Variants in ORC3 observed in about 807,000 individuals in gnomAD.
ORC3 encodes the protein origin recognition complex subunit 3.
ORC3 carries 78 observed loss-of-function variants against 100.7 expected under a neutral mutation model. That is an observed-to-expected ratio of 0.77 (90% CI 0.65 to 0.94). The LOEUF is 0.94. ORC3 is among the 40% of genes least tolerant of loss of function. The pLI is 0.00. For synonymous variants in ORC3, 295 were observed against 289.3 expected, an observed-to-expected ratio of 1.02 and a Z score of -0.20; for missense variants, 789 against 823.9, an observed-to-expected ratio of 0.96 and a Z score of 0.52.
rs1031088208 is a variant in ORC3, at chr6:87,621,612, G to A, written c.1121+125G>A. 8.7e-6 allele frequency: 6 copies of A among 689,612 alleles called. No individual in the cohort carries two copies. In the Admixed American group the frequency reaches 2.7e-4, roughly 31 times the overall value. 42.7% of individuals were successfully genotyped at this position (689,612 alleles called of 1,614,324 possible). ...TAACCTATTCTGTTTTTAATTGTGG[G>A]ATTTCCCTTGTTGGATTTGAAAATT... On this transcript the variant is annotated intron_variant, in intron 10 of 19. Transcript: ENST00000392844.
At chr6:87,611,057 T>A (rs978473524) in intron 7 of ORC3, among the ~76,000 whole-genome samples, 2 of 150,656 alleles carry the variant, frequency 1.3e-5, no homozygotes, top group South Asian at 4.2e-4. Flanking sequence ...CCTTCTCAGG[T>A]CCCCAAGTAG....
chr6:87,599,354 A>ATTATTTAT (rs71021304), intron 2 of ORC3, among the ~76,000 whole-genome samples: 13,088 of 145,080 alleles, frequency 0.09, 849 homozygotes, highest in African/African-American at 0.18. Flanking sequence ...TCTTTTTTTT[A>ATTATTTAT]TTATTTATTT....
At chr6:87,676,596 A>AACACACGCGCGCGCACACAC in the ORC3 span, among the ~76,000 whole-genome samples, 75 of 142,146 alleles carry the variant, frequency 5.3e-4, 1 homozygote, top group African/African-American at 2.0e-3. Context: ...CTCTACTAAA[A>AACACACGCGCGCGCACACAC]ACACACACAC....
At chr6:87,674,296 C>CT in the ORC3 span, among the ~76,000 whole-genome samples, 43 of 94,834 alleles carry the variant, frequency 4.5e-4, no homozygotes, top group Admixed American at 7.6e-4. Context: ...GAGCAAAACT[C>CT]TATCTCAAAA....
intron 13 of ORC3, among the ~76,000 whole-genome samples, chr6:87,644,017 T>G (rs1391424505): frequency 4.6e-5 from 7 of 151,440 alleles, no homozygotes; most frequent in Admixed American, 4.6e-4. Context: ...CCAAAATATT[T>G]TCAATCCAAG....
At chr6:87,631,881 CG>C (rs1468472459) in intron 11 of ORC3, among the ~76,000 whole-genome samples, 5 of 151,902 alleles carry the variant, frequency 3.3e-5, no homozygotes, top group Non-Finnish European at 5.9e-5. Flanking sequence ...GTTTTAAGGC[CG>C]GGTGCAGTAT....
At chr6:87,602,982 T>TATATATATATATATATAC (rs1457671076) in intron 3 of ORC3, among the ~76,000 whole-genome samples, 4 of 135,874 alleles carry the variant, frequency 2.9e-5, no homozygotes, top group Non-Finnish European at 6.2e-5. Flanking sequence ...CATATATATA[T>TATATATATATATATATAC]ACAATTTTTT....
At chr6:87,672,448 T>C (rs1358409520), downstream of ORC3, among the ~76,000 whole-genome samples, 6 of 152,224 alleles carry the variant, frequency 3.9e-5, no homozygotes, top group Admixed American at 1.3e-4. Flanking sequence ...TTGCATCTCG[T>C]GCTCCTTACC....
chr6:87,625,851 AAT>A (rs1779863196), intron 11 of ORC3, among the ~76,000 whole-genome samples: 3 of 152,092 alleles, frequency 2.0e-5, no homozygotes, highest in South Asian at 4.1e-4. Context: ...ATCCATCTTG[AAT>A]GATTTTTTTA....
At chr6:87,616,574 TC>T in intron 9 of ORC3, 147 bp downstream of exon 9, 1 of 484,044 alleles carries the variant, frequency 2.1e-6, no homozygotes, top group South Asian at 2.9e-5. Context: ...GTTCTACAAT[TC>T]CTTTGTTACC....
At chr6:87,590,657 G>T (rs1582969156) in intron 1 of ORC3, among the ~76,000 whole-genome samples, 1 of 152,214 alleles carries the variant, frequency 6.6e-6, no homozygotes, top group Non-Finnish European at 1.5e-5. Context: ...CCTAATATAG[G>T]TTGTCGGGGG....
At chr6:87,657,192 C>G (rs1327164304) in intron 15 of ORC3, 1 of 408,110 alleles carries the variant, frequency 2.5e-6, no homozygotes, top group Admixed American at 4.1e-5. Context: ...AACCTACTAG[C>G]TAACATAGGT....
Position 87,621,412 on chromosome 6 carries a change from C to T in ORC3, c.1046C>T (p.Pro349Leu). The change falls in exon 10 of 20, where the codon CCA becomes CTA. Residue 349 changes from proline (P) to leucine (L), a missense_variant. This residue lies in a region of ORC3 where 24 missense variants were observed against 47.7 expected (regional missense o/e 0.50). Coordinates refer to ENST00000392844, the MANE Select transcript of ORC3 (RefSeq NM_012381.4). ...QPLSVLCCNL[P>L]EAKRRINFLS... ...TTAAGTGTCCTGTGCTGTAATCTTC[C>T]AGAAGCCAAAAGAAGAATAAATTTT... 1 of 1,601,960 alleles carries T rather than the reference C, an allele frequency of 6.2e-7. No individual in the cohort carries two copies. The highest frequency in any genetic ancestry group is 2.3e-5 in the East Asian group (1 of 44,162).
chr6:87,668,752 G>C (rs1223877050), downstream of ORC3, among the ~76,000 whole-genome samples: 2 of 152,152 alleles, frequency 1.3e-5, no homozygotes, highest in African/African-American at 4.8e-5. Flanking sequence ...GGAAGCTGAG[G>C]CGGGTGGATC....
chr6:87,628,742 A>G (rs1465486688), intron 11 of ORC3, among the ~76,000 whole-genome samples: 1 of 152,214 alleles, frequency 6.6e-6, no homozygotes, highest in Non-Finnish European at 1.5e-5. Context: ...CATGAACAAA[A>G]GGCACAAAAT....
chr6:87,602,892 T>C (rs1365527923), intron 3 of ORC3, among the ~76,000 whole-genome samples: 1 of 103,460 alleles, frequency 9.7e-6, no homozygotes, highest in Non-Finnish European at 1.9e-5. Flanking sequence ...TAATGTCATA[T>C]ATCATATATA....
At chr6:87,648,911 C>T (rs538486138) in intron 13 of ORC3, among the ~76,000 whole-genome samples, 1 of 152,196 alleles carries the variant, frequency 6.6e-6, no homozygotes, top group African/African-American at 2.4e-5. Flanking sequence ...ATAACTATTT[C>T]CACAAAACAA....
chr6:87,621,592 TA>T, intron 10 of ORC3, 105 bp downstream of exon 10: 5 of 762,284 alleles, frequency 6.6e-6, no homozygotes, highest in Non-Finnish European at 9.6e-6. Flanking sequence ...AATAGTAACC[TA>T]TTCTGTTTTT....
intron 9 of ORC3, among the ~76,000 whole-genome samples, chr6:87,617,132 T>C (rs1386277560): frequency 1.3e-5 from 2 of 152,206 alleles, no homozygotes; most frequent in Non-Finnish European, 2.9e-5. Flanking sequence ...TGGTCACTGC[T>C]GTTGCTGTTT....
Sources: gnomAD v4.1 joint callset for allele counts (sites outside exome capture counted in the v4.1 genomes callset) on GRCh38, gnomAD v4.1.1 for gene constraint, gnomAD v4.1.1 regional missense constraint, MANE v1.5 for transcripts, NCBI Gene and HGNC (gene_info 2026-07-23, HGNC 2026-07-21) for gene names.